NRCAM: variants seen among roughly 807,000 people sequenced by gnomAD.
The protein encoded by NRCAM is neuronal cell adhesion molecule.
Under a neutral mutation model 156.5 loss-of-function variants are expected in NRCAM, and 83 were observed. The ratio of observed to expected loss-of-function variants is 0.53; its 90% CI spans 0.44 to 0.64. The LOEUF is 0.64. Among genes scored for constraint, NRCAM ranks in the 30% least tolerant of loss-of-function variants. The probability of loss-of-function intolerance (pLI) is 0.00; values close to 1 mark genes in which losing one functional copy is unlikely to be tolerated. For missense variants in NRCAM, 1,417 were observed against 1,597.3 expected (o/e 0.89, Z 1.92); for synonymous variants, 538 against 563.9 (o/e 0.95, Z 0.65).
At chr7:108,190,338 G>A (rs1338444089) in intron 19 of NRCAM, among the ~76,000 whole-genome samples, 1 of 152,162 alleles carries the variant, frequency 6.6e-6, no homozygotes, top group East Asian at 1.9e-4. Flanking sequence ...CGAGATGAAG[G>A]TGTCCTAGAA....
At chr7:108,187,801 A>G (rs1367581703) in intron 20 of NRCAM, among the ~76,000 whole-genome samples, 2 of 152,076 alleles carry the variant, frequency 1.3e-5, no homozygotes, top group Admixed American at 6.6e-5. Flanking sequence ...AATACAAAAA[A>G]AAAAGTAGCC....
intron 3 of NRCAM, among the ~76,000 whole-genome samples, chr7:108,244,046 T>C (rs750927078): frequency 6.6e-6 from 1 of 152,212 alleles, no homozygotes; most frequent in Non-Finnish European, 1.5e-5. Context: ...AGCTCTCCTG[T>C]TGCTTACTTA....
intron 1 of NRCAM, among the ~76,000 whole-genome samples, chr7:108,406,669 G>A (rs1261636436): frequency 6.6e-6 from 1 of 152,164 alleles, no homozygotes; most frequent in African/African-American, 2.4e-5. Flanking sequence ...GAAATGAAAT[G>A]CCAGCACACT....
intron 17 of NRCAM, among the ~76,000 whole-genome samples, chr7:108,192,144 T>C (rs2072208927): frequency 6.6e-6 from 1 of 152,152 alleles, no homozygotes; most frequent in Admixed American, 6.5e-5. Flanking sequence ...ACTGTCCTGT[T>C]AGGAACTGGG....
chr7:108,246,170 C>G (rs1304626379), intron 3 of NRCAM, among the ~76,000 whole-genome samples: 1 of 152,212 alleles, frequency 6.6e-6, no homozygotes, highest in Admixed American at 6.5e-5. Context: ...ATCCCACCTT[C>G]CAATCCAATC....
chr7:108,191,407 T>G lies in NRCAM; in HGVS notation c.1904-124A>C. 2 of 733,044 alleles carry G rather than the reference T, an allele frequency of 2.7e-6. 1 individual carries two copies. Among genetic ancestry groups the G allele is most frequent in the South Asian group, 4.6e-5 (2 of 43,764 alleles). 45.4% of individuals were successfully genotyped at this position (733,044 alleles called of 1,614,324 possible). On this transcript the variant is annotated intron_variant, in intron 18 of 32. Coordinates refer to ENST00000379028, the MANE Select transcript of NRCAM (RefSeq NM_001037132.4). ...TAAAATTAAGCCCTATGCTTAGCTG[T>G]GAGACACAGCATTGATAAACATGCA...
intron 10 of NRCAM, among the ~76,000 whole-genome samples, chr7:108,225,357 T>A (rs1236427409): frequency 6.6e-6 from 1 of 152,166 alleles, no homozygotes; most frequent in Non-Finnish European, 1.5e-5. Flanking sequence ...ATGGAAAACA[T>A]AATTCTGAAC....
intron 2 of NRCAM, among the ~76,000 whole-genome samples, chr7:108,393,593 G>A (rs138598461): frequency 6.6e-6 from 1 of 152,190 alleles, no homozygotes; most frequent in East Asian, 1.9e-4. Flanking sequence ...CCACTGTCCT[G>A]CACCCCTGTC....
At chr7:108,347,033 T>G (rs1053795315) in intron 2 of NRCAM, among the ~76,000 whole-genome samples, 4 of 18,692 alleles carry the variant, frequency 2.1e-4, no homozygotes, top group Admixed American at 2.1e-3. Context: ...TATATTTCTG[T>G]TTTTTTTTTT....
chr7:108,378,830 T>A (rs73714837), intron 2 of NRCAM, among the ~76,000 whole-genome samples: 1 of 147,272 alleles, frequency 6.8e-6, no homozygotes, highest in South Asian at 2.2e-4. Context: ...GAATAGAAAA[T>A]GGAAGGAGGA....
chr7:108,232,676 T>C (rs4386902), intron 6 of NRCAM, among the ~76,000 whole-genome samples, 154 bp from the exon 7 acceptor site: 6,208 of 152,232 alleles, frequency 0.041, 247 homozygotes, highest in African/African-American at 0.11. Context: ...AAATGTTTCA[T>C]TGAATCATGA....
In NRCAM at chr7:108,175,367, A is replaced by T. The variant is rs756930452; in HGVS notation, c.3152-10T>A. The T allele has an allele frequency of 1.3e-6, 2 of 1,560,796 alleles. No individual in the cohort carries two copies. The highest frequency in any genetic ancestry group is 1.7e-6 in the Non-Finnish European group (2 of 1,151,152). On this transcript the variant is annotated splice_polypyrimidine_tract_variant and intron_variant, in intron 27 of 32. Transcript: ENST00000379028. ...GGTGGAAGAATACCAGCTTTAATGA[A>T]GGGAAACAGAAATAGGACACTATAT... is the stretch of plus-strand genomic sequence containing the variant.
intron 2 of NRCAM, among the ~76,000 whole-genome samples, chr7:108,387,919 T>C (rs962088579): frequency 1.3e-5 from 2 of 152,204 alleles, no homozygotes; most frequent in African/African-American, 4.8e-5. Flanking sequence ...TAGTATTCCA[T>C]GGTGTATATG....
chr7:108,294,799 G>A (rs188249850), intron 3 of NRCAM, among the ~76,000 whole-genome samples: 11 of 152,054 alleles, frequency 7.2e-5, no homozygotes, highest in Admixed American at 2.0e-4. Context: ...ACGGTCTTCC[G>A]AATCACTTCC....
chr7:108,334,639 G>A (rs2099160418), intron 2 of NRCAM, among the ~76,000 whole-genome samples: 1 of 152,132 alleles, frequency 6.6e-6, no homozygotes, highest in Non-Finnish European at 1.5e-5. Context: ...ATTTAGCTGA[G>A]GAACATGGCC....
Position 108,238,927 on chromosome 7 carries a change from A to AAAT in NRCAM, c.106+1029_106+1031dup, listed in dbSNP as rs201893238. Among the ~76,000 whole-genome samples, 204 of 151,714 alleles carry AAAT rather than the reference A, an allele frequency of 1.3e-3. 1 individual carries two copies. Among genetic ancestry groups the AAAT allele is most frequent in the African/African-American group, 4.0e-3 (164 of 41,446 alleles). ...CAGTTGCAACCTCTATGGTAATAAT[A>AAAT]AATAATAATAATAATAATAAATAAA... On this transcript the variant is annotated intron_variant, in intron 4 of 32. Transcript: ENST00000379028.
At chr7:108,296,895 T>C (rs1164020732) in intron 3 of NRCAM, among the ~76,000 whole-genome samples, 1 of 152,220 alleles carries the variant, frequency 6.6e-6, no homozygotes, top group Admixed American at 6.5e-5. Flanking sequence ...GAAAATGATG[T>C]CACTTTGACA....
intron 1 of NRCAM, among the ~76,000 whole-genome samples, chr7:108,454,248 C>T (rs1056302660): frequency 6.6e-6 from 1 of 152,176 alleles, no homozygotes; most frequent in Non-Finnish European, 1.5e-5. Flanking sequence ...TTCTGCAGAG[C>T]TCCGAATTAA....
At chr7:108,176,409 T>C in intron 27 of NRCAM, 21 bp downstream of exon 27, 1 of 1,599,288 alleles carries the variant, frequency 6.3e-7, no homozygotes, top group Non-Finnish European at 8.6e-7. Context: ...ATTATATGGA[T>C]TTTATACATA....
Sources: allele counts gnomAD v4.1 joint callset (sites outside exome capture counted in the v4.1 genomes callset), GRCh38; gene constraint gnomAD v4.1.1; transcripts MANE v1.5; gene names NCBI Gene and HGNC (gene_info 2026-07-23, HGNC 2026-07-21).